The following TENT2 variants were observed in gnomAD, a reference collection of about 807,000 sequenced individuals.
The protein encoded by TENT2 is terminal nucleotidyltransferase 2, also known as poly(A) RNA polymerase GLD2.
TENT2 carries 44 observed loss-of-function variants against 72.2 expected under a neutral mutation model. That is an observed-to-expected ratio of 0.61 (90% CI 0.48 to 0.78). The LOEUF (loss-of-function observed/expected upper bound fraction) is 0.78, where lower values mean the gene tolerates loss of function less well. Among genes scored for constraint, TENT2 ranks in the 30% least tolerant of loss-of-function variants. The pLI, the probability that TENT2 is intolerant of heterozygous loss-of-function variation, is 0.00. For synonymous variants in TENT2, 212 were observed against 192.5 expected, an observed-to-expected ratio of 1.10 and a Z score of -0.84; for missense variants, 541 against 569.6, an observed-to-expected ratio of 0.95 and a Z score of 0.51.
chr5:79,678,880 G>C (rs1008426248), intron 12 of TENT2, among the ~76,000 whole-genome samples: 3 of 152,158 alleles, frequency 2.0e-5, no homozygotes, highest in South Asian at 2.1e-4. Context: ...GTTTTTGTTT[G>C]TTTACTTGTA....
intron 4 of TENT2, among the ~76,000 whole-genome samples, chr5:79,631,978 T>C (rs1298303787): frequency 1.3e-5 from 2 of 152,204 alleles, no homozygotes; most frequent in Non-Finnish European, 2.9e-5. Flanking sequence ...TCTTCCCGTT[T>C]TCTCTCTCAA....
chr5:79,663,384 GTT>G (rs1804605856), intron 11 of TENT2, among the ~76,000 whole-genome samples: 1 of 152,126 alleles, frequency 6.6e-6, no homozygotes, highest in African/African-American at 2.4e-5. Flanking sequence ...GCTTGTATTG[GTT>G]TTCAACATGA....
intron 1 of TENT2, among the ~76,000 whole-genome samples, chr5:79,618,352 G>C (rs1236267754): frequency 1.3e-5 from 2 of 151,868 alleles, no homozygotes; most frequent in Admixed American, 1.3e-4. Context: ...TCAGCCTCCT[G>C]TGTAGCTGGG....
chr5:79,683,256 CCAGCCTGGGCAACG>C (rs1229014828), intron 14 of TENT2, among the ~76,000 whole-genome samples: 1 of 151,918 alleles, frequency 6.6e-6, no homozygotes. Flanking sequence ...GAGTTTAAGA[CCAGCCTGGGCAACG>C]CATAGCAAGA....
At chr5:79,660,653 C>T (rs1220295432) in intron 11 of TENT2, among the ~76,000 whole-genome samples, 1 of 152,160 alleles carries the variant, frequency 6.6e-6, no homozygotes, top group Non-Finnish European at 1.5e-5. Context: ...TGACAGACCA[C>T]ATACATGATA....
chr5:79,649,818 A>G (rs570434313), intron 10 of TENT2, among the ~76,000 whole-genome samples: 27 of 152,194 alleles, frequency 1.8e-4, no homozygotes, highest in Non-Finnish European at 3.8e-4. Flanking sequence ...TCCTAGACGT[A>G]TAGGACAGAC....
intron 8 of TENT2, 93 bp from the exon 9 acceptor site, chr5:79,648,524 A>G (rs768564489): frequency 1.0e-4 from 85 of 831,996 alleles, no homozygotes; most frequent in Non-Finnish European, 1.5e-4. Context: ...ATTTTGCATC[A>G]TGGGATGGAT....
At chr5:79,681,917 C>A in intron 13 of TENT2, 65 bp from the exon 14 acceptor site, 1 of 1,381,784 alleles carries the variant, frequency 7.2e-7, no homozygotes, top group South Asian at 1.3e-5. Context: ...AGTATCAAAC[C>A]TAAAAAAGAA....
chr5:79,668,129 G>A (rs1809948450), intron 11 of TENT2, among the ~76,000 whole-genome samples: 1 of 151,984 alleles, frequency 6.6e-6, no homozygotes, highest in Non-Finnish European at 1.5e-5. Flanking sequence ...GAGGAAAAAT[G>A]GATATGAAAA....
intron 12 of TENT2, among the ~76,000 whole-genome samples, chr5:79,678,556 A>T (rs567074755): frequency 5.7e-4 from 87 of 152,284 alleles, no homozygotes; most frequent in East Asian, 2.3e-3. Context: ...AAACCTTTTT[A>T]AAAAAATGTA....
At chr5:79,633,909 T>G (rs1182254480) in intron 4 of TENT2, among the ~76,000 whole-genome samples, 9 of 149,892 alleles carry the variant, frequency 6.0e-5, no homozygotes. Context: ...ATCCCAGCAC[T>G]TTGGGAGGCC....
At chr5:79,684,333 A>G (rs1824886446) in intron 14 of TENT2, among the ~76,000 whole-genome samples, 1 of 152,300 alleles carries the variant, frequency 6.6e-6, no homozygotes, top group Admixed American at 6.5e-5. Flanking sequence ...ACCCAGACTC[A>G]GGCAGCCTCA....
At chr5:79,654,872 A>G (rs1796807050) in intron 10 of TENT2, among the ~76,000 whole-genome samples, 1 of 152,202 alleles carries the variant, frequency 6.6e-6, no homozygotes, top group African/African-American at 2.4e-5. Flanking sequence ...TTTTTGGTAC[A>G]TCTATATGGA....
At chr5:79,671,155 A>G (rs1812683592) in intron 12 of TENT2, among the ~76,000 whole-genome samples, 1 of 152,098 alleles carries the variant, frequency 6.6e-6, no homozygotes, top group Non-Finnish European at 1.5e-5. Flanking sequence ...TTAATTTAAT[A>G]TTAAAGGAAA....
intron 11 of TENT2, among the ~76,000 whole-genome samples, chr5:79,666,081 C>T (rs995354440): frequency 6.6e-6 from 1 of 151,462 alleles, no homozygotes; most frequent in Non-Finnish European, 1.5e-5. Context: ...CTCCACCTCC[C>T]GGATTCAAGC....
intron 14 of TENT2, among the ~76,000 whole-genome samples, chr5:79,684,097 A>G (rs560870565): frequency 2.0e-4 from 31 of 152,274 alleles, no homozygotes; most frequent in African/African-American, 6.7e-4. Flanking sequence ...TGTAAAACCA[A>G]TACTTTTAGA....
intron 10 of TENT2, among the ~76,000 whole-genome samples, chr5:79,651,750 CATCCCATCTTT>C (rs1794252000): frequency 6.6e-6 from 1 of 152,034 alleles, no homozygotes; most frequent in Non-Finnish European, 1.5e-5. Flanking sequence ...GACACATCTT[CATCCCATCTTT>C]GTCTGGAGAT....
intron 12 of TENT2, among the ~76,000 whole-genome samples, chr5:79,673,156 A>G (rs1040926152): frequency 5.3e-5 from 8 of 152,274 alleles, no homozygotes; most frequent in Non-Finnish European, 8.8e-5. Context: ...ATTTTTTCCT[A>G]TAGAGTTGTT....
intron 12 of TENT2, among the ~76,000 whole-genome samples, chr5:79,676,497 A>G (rs1817457088): frequency 6.6e-6 from 1 of 152,104 alleles, no homozygotes; most frequent in African/African-American, 2.4e-5. Context: ...AGGCAGGAGA[A>G]TTGCTTGAAC....
Sources: gnomAD v4.1 joint callset for allele counts (sites outside exome capture counted in the v4.1 genomes callset) on GRCh38, gnomAD v4.1.1 for gene constraint, MANE v1.5 for transcripts, NCBI Gene and HGNC (gene_info 2026-07-23, HGNC 2026-07-21) for gene names.